COL23A1: variants seen among roughly 807,000 people sequenced by gnomAD.
COL23A1 encodes the protein collagen alpha-1(XXIII) chain.
A neutral mutation model predicts 99.3 loss-of-function variants in COL23A1; 97 were observed. The observed-to-expected ratio is 0.98, with a 90% confidence interval of 0.83 to 1.16. The LOEUF (loss-of-function observed/expected upper bound fraction) is 1.16. COL23A1 is among the 50% of genes most tolerant of loss of function. COL23A1 has a pLI of 0.00. For missense variants in COL23A1, 762 were observed against 757.4 expected, an observed-to-expected ratio of 1.01 and a Z score of -0.07; for synonymous variants, 320 against 308.2, an observed-to-expected ratio of 1.04 and a Z score of -0.40.
chr5:178,255,297 T>C lies in COL23A1; in HGVS notation c.883-271A>G, dbSNP rs143414123. Among the ~76,000 whole-genome samples, 5 of 151,898 alleles carry C rather than the reference T, an allele frequency of 3.3e-5. No homozygotes were observed. In the East Asian group the frequency reaches 9.7e-4, roughly 30 times the overall value. ...TGACCCCTGAGTTCTCGGGGGCAAA[T>C]GGAAAGCCTGATTTTGATGTGACGC... On this transcript the variant is annotated intron_variant, in intron 15 of 28. Transcript: ENST00000390654. The surrounding 1 kb of genome is among the most constrained non-coding windows in gnomAD (Gnocchi z 4.2).
intron 2 of COL23A1, among the ~76,000 whole-genome samples, chr5:178,371,611 T>G (rs2973716): frequency 0.37 from 56,833 of 152,092 alleles, 11,315 homozygotes; most frequent in African/African-American, 0.51. Context: ...AAATGACCTT[T>G]GTGGCGCCCT....
At position 178,540,558 on chromosome 5, in the gene COL23A1, C is replaced by T. The variant is rs192618588; in HGVS notation, c.361+20124G>A. ...GGAGAGAGATACCATGTTCATGAAT[C>T]GGAGGCCTGAAGAGTGTAAAGATGT... On this transcript the variant is annotated intron_variant, in intron 2 of 28. Coordinates refer to ENST00000390654, the MANE Select transcript of COL23A1 (RefSeq NM_173465.4). Among the ~76,000 whole-genome samples, 453 of 152,278 alleles carry T rather than the reference C, an allele frequency of 3.0e-3. 2 individuals carry two copies. Among genetic ancestry groups the T allele is most frequent in the Non-Finnish European group, 4.9e-3 (335 of 68,032 alleles).
intron 2 of COL23A1, among the ~76,000 whole-genome samples, chr5:178,429,270 G>A (rs1008984158): frequency 2.0e-5 from 3 of 152,070 alleles, no homozygotes; most frequent in African/African-American, 7.2e-5. Flanking sequence ...TCTACCTCAA[G>A]CCCAGCACCC....
At chr5:178,351,380 G>A (rs963782369) in intron 2 of COL23A1, among the ~76,000 whole-genome samples, 6 of 152,302 alleles carry the variant, frequency 3.9e-5, no homozygotes, top group African/African-American at 1.2e-4. Context: ...GCAATAACGG[G>A]TGTGCACAGT....
rs1035415002 is a variant in COL23A1 at position 178,297,562 on chromosome 5, C to T, written c.407-7193G>A. Among the ~76,000 whole-genome samples the T allele has an allele frequency of 9.0e-4, 137 of 152,304 alleles. 1 individual carries two copies. Among genetic ancestry groups the T allele is most frequent in the African/African-American group, 3.2e-3 (135 of 41,564 alleles). On this transcript the variant is annotated intron_variant, in intron 3 of 28. Coordinates refer to ENST00000390654, the MANE Select transcript of COL23A1 (RefSeq NM_173465.4). Reference sequence around the variant, plus strand: ...AGAGATGTCAAAGACAAAGATGTCTCCTCACCCTTCCCCCATTGGTTTCTA... The same window carrying T: ...AGAGATGTCAAAGACAAAGATGTCTTCTCACCCTTCCCCCATTGGTTTCTA...
At chr5:178,502,132 G>A (rs967231794) in intron 2 of COL23A1, among the ~76,000 whole-genome samples, 10 of 152,306 alleles carry the variant, frequency 6.6e-5, no homozygotes, top group African/African-American at 2.4e-4. Flanking sequence ...TAGCAAACAA[G>A]AGGTGGTATT....
chr5:178,284,758 A>G (rs539920813), intron 5 of COL23A1, among the ~76,000 whole-genome samples: 1 of 152,342 alleles, frequency 6.6e-6, no homozygotes, highest in East Asian at 1.9e-4. Context: ...TGCTATATTT[A>G]GTGAAAAAAA....
intron 2 of COL23A1, among the ~76,000 whole-genome samples, chr5:178,391,362 A>G (rs930939481): frequency 1.3e-5 from 2 of 152,254 alleles, no homozygotes; most frequent in East Asian, 3.8e-4. Flanking sequence ...AGGGACCTGT[A>G]ACTATAATAC....
intron 2 of COL23A1, among the ~76,000 whole-genome samples, chr5:178,361,203 C>T (rs1454362374): frequency 1.3e-5 from 2 of 152,082 alleles, no homozygotes; most frequent in Non-Finnish European, 2.9e-5. Context: ...AAAAGGAAAA[C>T]CACTCTTCCC....
intron 25 of COL23A1, among the ~76,000 whole-genome samples, chr5:178,243,098 G>A (rs1257139066): frequency 6.6e-6 from 1 of 152,188 alleles, no homozygotes; most frequent in Non-Finnish European, 1.5e-5. Flanking sequence ...ACTGAGGCAG[G>A]AGAATTGCCT....
chr5:178,572,515 A>T (rs1196783218), intron 1 of COL23A1, among the ~76,000 whole-genome samples: 2 of 152,246 alleles, frequency 1.3e-5, no homozygotes, highest in Non-Finnish European at 2.9e-5. Context: ...ATAAAGAGAA[A>T]ATCTTAAAAG....
At chr5:178,315,202 G>A (rs970499268) in intron 2 of COL23A1, among the ~76,000 whole-genome samples, 4 of 152,100 alleles carry the variant, frequency 2.6e-5, no homozygotes, top group African/African-American at 9.7e-5. Flanking sequence ...GACCCATGAC[G>A]CATCCTGGTG....
intron 2 of COL23A1, among the ~76,000 whole-genome samples, chr5:178,347,983 C>T (rs1019392099): frequency 1.3e-5 from 2 of 151,948 alleles, no homozygotes; most frequent in Admixed American, 6.6e-5. Flanking sequence ...TAGCACAGTT[C>T]TAGAAACTTA....
At chr5:178,429,114 C>G (rs147097413) in intron 2 of COL23A1, among the ~76,000 whole-genome samples, 1 of 152,208 alleles carries the variant, frequency 6.6e-6, no homozygotes, top group African/African-American at 2.4e-5. Flanking sequence ...CCATGCCAGG[C>G]ACCAGGGCAT....
chr5:178,442,899 C>T (rs1261712973), intron 2 of COL23A1: 1 of 152,318 alleles, frequency 6.6e-6, no homozygotes, highest in Non-Finnish European at 1.5e-5. Context: ...GAATGAGCCA[C>T]CAAAGGGTGG....
At chr5:178,240,015 A>G (rs895111438) in intron 27 of COL23A1, among the ~76,000 whole-genome samples, 5 of 152,082 alleles carry the variant, frequency 3.3e-5, no homozygotes, top group Admixed American at 3.3e-4. Flanking sequence ...TGGCCCAGGA[A>G]TTGGCATCCT....
chr5:178,315,787 A>G (rs896981407), intron 2 of COL23A1, among the ~76,000 whole-genome samples: 1 of 125,574 alleles, frequency 8.0e-6, no homozygotes, highest in Non-Finnish European at 1.7e-5. Flanking sequence ...TTTTTTTTCA[A>G]GACAAATAAT....
rs368424763 is a variant in COL23A1 at position 178,255,774 on chromosome 5, C to T, written c.882+579G>A. 27 of 340,962 alleles carry T rather than the reference C, an allele frequency of 7.9e-5. No homozygotes were observed. Among genetic ancestry groups the T allele is most frequent in the African/African-American group, 2.6e-4 (12 of 45,948 alleles). The allele number at this position is 340,962 out of a possible 1,614,324, so 21.1% of individuals were successfully genotyped here. On this transcript the variant is annotated intron_variant, in intron 15 of 28. Transcript: ENST00000390654. This position sits in a 1 kb window ranked among gnomAD's most constrained non-coding sequence, Gnocchi z 4.2. ...CTGGCTGCCTAATCCAACCCCCTCCCGCTCCCCACCACCTGCACAGCCAGG... is the reference window on the plus strand; with the variant it reads ...CTGGCTGCCTAATCCAACCCCCTCCTGCTCCCCACCACCTGCACAGCCAGG...
rs1358150017 is a variant in COL23A1 at position 178,358,668 on chromosome 5, CTAA to C, written c.362-51752_362-51750del. On this transcript the variant is annotated intron_variant, in intron 2 of 28. Coordinates refer to ENST00000390654, the MANE Select transcript of COL23A1 (RefSeq NM_173465.4). ...TGTGTATGTGTACGTGTGTATGTGT[CTAA>C]TGTGTATGTGTATGTGTGTGTATGT... is the stretch of plus-strand genomic sequence containing the variant. Among the ~76,000 whole-genome samples the C allele has an allele frequency of 5.1e-5, 3 of 59,348 alleles. No individual in the cohort carries two copies. The East Asian group carries it at 1.6e-3, about 32-fold the overall frequency. The allele number at this position is 59,348 out of a possible 152,430, so 38.9% of individuals were successfully genotyped here.
Sources: allele counts gnomAD v4.1 joint callset (sites outside exome capture counted in the v4.1 genomes callset), GRCh38; gene constraint gnomAD v4.1.1; non-coding constraint Gnocchi (gnomAD v3.1); transcripts MANE v1.5; gene names NCBI Gene and HGNC (gene_info 2026-07-23, HGNC 2026-07-21).